Variants in MICAL3 observed in about 807,000 individuals in gnomAD.
The protein encoded by MICAL3 is [F-actin]-monooxygenase MICAL3.
MICAL3 carries 62 observed loss-of-function variants against 207.4 expected under a neutral mutation model. The observed-to-expected ratio is 0.30, with a 90% CI of 0.24 to 0.37. The LOEUF (loss-of-function observed/expected upper bound fraction) is 0.37. Ranked by LOEUF, MICAL3 falls within the 10% of genes least tolerant of loss-of-function variation. The probability of loss-of-function intolerance (pLI) is 1.00; values close to 1 mark genes in which losing one functional copy is unlikely to be tolerated. For missense variants in MICAL3, 2,368 were observed against 2,635.6 expected (o/e 0.90, Z 2.22); for synonymous variants, 1,077 against 1,069.3 (o/e 1.01, Z -0.14).
chr22:17,968,186 T>G, intron 1 of MICAL3, among the ~76,000 whole-genome samples: 1 of 151,284 alleles, frequency 6.6e-6, no homozygotes, highest in African/African-American at 2.4e-5. Flanking sequence ...TCCAGCAGAG[T>G]GAAGAGGAAA....
intron 1 of MICAL3, among the ~76,000 whole-genome samples, chr22:17,995,625 C>T (rs1922193775): frequency 6.6e-6 from 1 of 150,642 alleles, no homozygotes. Flanking sequence ...CCTACCTCAT[C>T]CTCCTGAGTA....
At chr22:17,985,677 T>C (rs1380797189) in intron 1 of MICAL3, among the ~76,000 whole-genome samples, 1 of 152,088 alleles carries the variant, frequency 6.6e-6, no homozygotes, top group East Asian at 1.9e-4. Flanking sequence ...AATTCCACCC[T>C]ACTTGACAAA....
chr22:17,914,499 A>C, intron 1 of MICAL3, among the ~76,000 whole-genome samples: 1 of 152,220 alleles, frequency 6.6e-6, no homozygotes. Flanking sequence ...CTTAGCCATC[A>C]TGAAAAACCA....
intron 19 of MICAL3, chr22:17,862,262 C>CTTT: frequency 2.4e-6 from 2 of 825,586 alleles, no homozygotes; most frequent in Non-Finnish European, 2.9e-6. Flanking sequence ...CCCTTTTCTT[C>CTTT]TTTTTTTTTT....
intron 1 of MICAL3, among the ~76,000 whole-genome samples, chr22:17,938,217 T>G (rs1295982148): frequency 2.0e-5 from 3 of 152,148 alleles, no homozygotes; most frequent in Non-Finnish European, 4.4e-5. Flanking sequence ...AAGCAGAGGA[T>G]GACAACATTC....
intron 29 of MICAL3, among the ~76,000 whole-genome samples, chr22:17,800,793 T>C (rs2061929147): frequency 6.6e-6 from 1 of 152,152 alleles, no homozygotes; most frequent in Non-Finnish European, 1.5e-5. Context: ...GTTTTACATA[T>C]GAGGCTCCAG....
chr22:17,918,378 C>T (rs1019160351), intron 1 of MICAL3, among the ~76,000 whole-genome samples: 1 of 152,118 alleles, frequency 6.6e-6, no homozygotes, highest in South Asian at 2.1e-4. Flanking sequence ...TTTAAAATAA[C>T]AATTAACATA....
chr22:18,018,740 ATATCTATCTATCTATC>A (rs3083137), intron 1 of MICAL3, among the ~76,000 whole-genome samples: 1 of 149,864 alleles, frequency 6.7e-6, no homozygotes, highest in East Asian at 2.0e-4. Flanking sequence ...AAAATAAAAA[ATATCTATCTATCTATC>A]TATCTATCTA....
chr22:17,879,078 G>C (rs970486549), intron 16 of MICAL3, among the ~76,000 whole-genome samples: 7 of 152,174 alleles, frequency 4.6e-5, no homozygotes, highest in African/African-American at 1.4e-4. Context: ...GGCAGAAATG[G>C]GAAGTCATTA....
intron 1 of MICAL3, among the ~76,000 whole-genome samples, chr22:17,909,276 C>T (rs1488100093): frequency 6.6e-6 from 1 of 152,184 alleles, no homozygotes; most frequent in East Asian, 1.9e-4. Context: ...GTAATCCCAG[C>T]ACTTTGGGAG....
Position 17,817,742 on chromosome 22 carries a change from G to A in MICAL3, c.4919C>T (p.Ser1640Phe), listed in dbSNP as rs1201852438. 1.3e-6 allele frequency: 2 copies of A among 1,589,016 alleles called. No homozygotes were observed. Among genetic ancestry groups the A allele is most frequent in the East Asian group, 4.5e-5 (2 of 44,620 alleles). The change falls in exon 26 of 32, where the codon TCC becomes TTC. Residue 1640 changes from serine to phenylalanine, a missense_variant. Physicochemically the swap from Ser to Phe is radical, Grantham distance 155. This residue lies in a region of MICAL3 where 1,770 missense variants were observed against 1,863.2 expected (regional missense o/e 0.95). Coordinates refer to ENST00000441493, the MANE Select transcript of MICAL3 (RefSeq NM_015241.3). ...GTCAGGCCGGCGCTCCTTGCCCTGG[G>A]AGGGTGCTGAGGACGCCTTGCGGGG... is the stretch of plus-strand genomic sequence containing the variant. ...PRPRKASSAP[S>F]QGKERRPDSP...
rs750874947 is a variant in MICAL3, at chr22:17,822,968, T to C, written c.3286A>G (p.Thr1096Ala). The C allele has an allele frequency of 5.0e-6, 8 of 1,612,692 alleles. No homozygotes were observed. Among genetic ancestry groups the C allele is most frequent in the African/African-American group, 1.3e-5 (1 of 74,870 alleles). Residue 1096 changes from threonine to alanine, a missense_variant, in exon 23 of 32, where the codon ACT becomes GCT. Thr to Ala is a moderately conservative substitution (Grantham distance 58, BLOSUM62 0). Around this residue, in one of 4 missense-constraint regions of MICAL3, gnomAD observed 1,770 missense variants for 1,863.2 expected, o/e 0.95. Coordinates refer to ENST00000441493, the MANE Select transcript of MICAL3 (RefSeq NM_015241.3). ...CTACCATCATCCAGCTCAGCACCAG[T>C]GTCCCCTGGGTCCCCATCCTCTGCT... Reference protein sequence around the residue: ...EAAEDGDPGDTGAELDDDQHW... With the variant: ...EAAEDGDPGDAGAELDDDQHW...
In MICAL3 at chr22:17,818,023, G is replaced by C. The variant is rs936733723; in HGVS notation, c.4638C>G (p.Pro1546=). The C allele has an allele frequency of 6.2e-7, 1 of 1,612,558 alleles. No individual in the cohort carries two copies. ...DSSLQEKFFT[P]PSCWPRPEKP... Reference sequence around the variant, plus strand: ...TCTCGGGGCGCGGCCAGCAGGACGGGGGCGTGAAGAATTTCTCCTGCAGGC... The same window carrying C: ...TCTCGGGGCGCGGCCAGCAGGACGGCGGCGTGAAGAATTTCTCCTGCAGGC... The change falls in exon 26 of 32, where the codon CCC becomes CCG. Residue 1546 remains proline (P), a synonymous_variant. Transcript: ENST00000441493.
At chr22:17,819,804 G>A (rs1236956766) in intron 25 of MICAL3, among the ~76,000 whole-genome samples, 1 of 151,854 alleles carries the variant, frequency 6.6e-6, no homozygotes, top group Non-Finnish European at 1.5e-5. Context: ...TTAGGCAGGT[G>A]TGGTGGTGGG....
At chr22:17,864,739 G>C (rs367916408) in intron 19 of MICAL3, 160 bp downstream of exon 19, 12 of 1,613,578 alleles carry the variant, frequency 7.4e-6, no homozygotes, top group Non-Finnish European at 1.0e-5. Context: ...GACTCCGAAC[G>C]CAAGCAGCTG....
chr22:17,847,971 A>G (rs1006842341), intron 19 of MICAL3, among the ~76,000 whole-genome samples: 1 of 152,100 alleles, frequency 6.6e-6, no homozygotes, highest in Non-Finnish European at 1.5e-5. Flanking sequence ...AGCCCAGCTA[A>G]CGTCATTTCA....
At chr22:17,910,344 AGCT>A (rs1932037288) in intron 1 of MICAL3, among the ~76,000 whole-genome samples, 1 of 152,180 alleles carries the variant, frequency 6.6e-6, no homozygotes, top group Non-Finnish European at 1.5e-5. Context: ...ACTTCCAAAG[AGCT>A]GCTAACCGCC....
intron 1 of MICAL3, among the ~76,000 whole-genome samples, chr22:18,023,499 A>G (rs1924612497): frequency 6.6e-6 from 1 of 152,180 alleles, no homozygotes; most frequent in South Asian, 2.1e-4. Flanking sequence ...CATTTTAGGG[A>G]GGAGAGAGGA....
chr22:17,803,841 A>T, intron 29 of MICAL3: 1 of 985,814 alleles, frequency 1.0e-6, no homozygotes, highest in Non-Finnish European at 1.2e-6. Flanking sequence ...AGGTCACTGT[A>T]ATAAGACTCT....
Sources: gnomAD v4.1 joint callset for allele counts (sites outside exome capture counted in the v4.1 genomes callset) on GRCh38, gnomAD v4.1.1 for gene constraint, gnomAD v4.1.1 regional missense constraint, MANE v1.5 for transcripts, NCBI Gene and HGNC (gene_info 2026-07-23, HGNC 2026-07-21) for gene names.